The following ZBTB20 variants were observed in gnomAD, a reference collection of about 807,000 sequenced individuals.
The protein encoded by ZBTB20 is zinc finger and BTB domain containing 20.
Under a neutral mutation model 56.9 loss-of-function variants are expected in ZBTB20, and 9 were observed. That is an observed-to-expected ratio of 0.16 (90% CI 0.10 to 0.28). ZBTB20 has a LOEUF of 0.28. Among genes scored for constraint, ZBTB20 ranks in the 10% least tolerant of loss-of-function variants. The pLI is 1.00. For synonymous variants in ZBTB20, 417 were observed against 420.7 expected (o/e 0.99, Z 0.11); for missense variants, 655 against 1,003.0 (o/e 0.65, Z 4.69).
chr3:114,919,525 G>A (rs1012137881), intron 3 of ZBTB20, among the ~76,000 whole-genome samples: 18 of 152,066 alleles, frequency 1.2e-4, no homozygotes, highest in African/African-American at 3.4e-4. Context: ...GGCCAAGTTC[G>A]TGAAACCCCG....
At chr3:115,016,020 C>T (rs187259017) in intron 2 of ZBTB20, among the ~76,000 whole-genome samples, 30 of 151,982 alleles carry the variant, frequency 2.0e-4, no homozygotes, top group Non-Finnish European at 3.7e-4. Context: ...TTCTGACTGG[C>T]ATGAGATGGT....
intron 6 of ZBTB20, among the ~76,000 whole-genome samples, chr3:114,646,487 G>A (rs529749147): frequency 6.6e-6 from 1 of 152,226 alleles, no homozygotes; most frequent in Admixed American, 6.5e-5. Flanking sequence ...TGTTTTGGAG[G>A]TTAAATTTGT....
chr3:114,783,578 G>A (rs926181864), intron 5 of ZBTB20, among the ~76,000 whole-genome samples: 1 of 151,850 alleles, frequency 6.6e-6, no homozygotes, highest in Non-Finnish European at 1.5e-5. Context: ...GGTGGATCAC[G>A]AGGTCACGAG....
chr3:114,723,320 T>A (rs2065043341), intron 5 of ZBTB20, among the ~76,000 whole-genome samples: 1 of 152,220 alleles, frequency 6.6e-6, no homozygotes, highest in Admixed American at 6.5e-5. Context: ...CATGCTCTAA[T>A]GGCTTCTAAT....
chr3:114,607,953 A>C (rs1193582146), intron 6 of ZBTB20, among the ~76,000 whole-genome samples: 1 of 152,210 alleles, frequency 6.6e-6, no homozygotes, highest in Admixed American at 6.5e-5. Flanking sequence ...CAACCTCGTA[A>C]TTCTTTAACA....
intron 6 of ZBTB20, among the ~76,000 whole-genome samples, chr3:114,536,481 A>G (rs909357273): frequency 2.0e-5 from 3 of 152,206 alleles, no homozygotes; most frequent in African/African-American, 4.8e-5. Context: ...GCTCAAGGAA[A>G]TAAGAGAGGA....
At chr3:114,403,809 GA>G (rs1170170569) in intron 7 of ZBTB20, among the ~76,000 whole-genome samples, 1 of 152,080 alleles carries the variant, frequency 6.6e-6, no homozygotes, top group African/African-American at 2.4e-5. Flanking sequence ...TGATTATGGA[GA>G]AACTGAAGAA....
At chr3:114,905,166 C>G (rs2075275348) in intron 3 of ZBTB20, among the ~76,000 whole-genome samples, 1 of 151,832 alleles carries the variant, frequency 6.6e-6, no homozygotes, top group Admixed American at 6.6e-5. Context: ...GTTTTTATGA[C>G]TTAACTTAAA....
At chr3:114,933,430 C>G (rs2076426529) in intron 3 of ZBTB20, among the ~76,000 whole-genome samples, 1 of 152,178 alleles carries the variant, frequency 6.6e-6, no homozygotes, top group Non-Finnish European at 1.5e-5. Flanking sequence ...CACTTGCTAA[C>G]AGTTATTTGC....
At chr3:114,782,060 T>C (rs181175214) in intron 5 of ZBTB20, among the ~76,000 whole-genome samples, 1 of 152,238 alleles carries the variant, frequency 6.6e-6, no homozygotes, top group Admixed American at 6.5e-5. Flanking sequence ...GATGCATACA[T>C]CTTCTGATAT....
At chr3:114,550,395 C>T (rs146096267) in intron 6 of ZBTB20, among the ~76,000 whole-genome samples, 31 of 152,256 alleles carry the variant, frequency 2.0e-4, no homozygotes, top group Non-Finnish European at 4.1e-4. Flanking sequence ...AGTATATGCA[C>T]TAGCCAAACT....
At chr3:114,487,853 C>T (rs1030091153) in intron 7 of ZBTB20, among the ~76,000 whole-genome samples, 5 of 152,124 alleles carry the variant, frequency 3.3e-5, no homozygotes, top group Non-Finnish European at 5.9e-5. Flanking sequence ...AGATGGAGGA[C>T]GTTGATGACA....
In ZBTB20 at chr3:114,834,080, T is replaced by C. The variant is rs529738896; in HGVS notation, c.-416-32906A>G. On this transcript the variant is annotated intron_variant, in intron 4 of 11. Coordinates refer to ENST00000675478, the MANE Select transcript of ZBTB20 (RefSeq NM_001348800.3). ...AAAGAAAACCCATTTTCTGTGTATA[T>C]TGCTATTGCCTTAGAAAATACAAAT... Among the ~76,000 whole-genome samples, 5 of 152,266 alleles carry C rather than the reference T, an allele frequency of 3.3e-5. No individual in the cohort carries two copies. In the South Asian group the frequency reaches 6.2e-4, roughly 19 times the overall value.
intron 6 of ZBTB20, among the ~76,000 whole-genome samples, chr3:114,584,526 TAA>T (rs540747173): frequency 6.3e-5 from 9 of 142,208 alleles, no homozygotes; most frequent in Middle Eastern, 3.6e-3. Flanking sequence ...CTAACTCTGT[TAA>T]AAAAAAAAAA....
chr3:114,404,623 G>T (rs893410105), intron 7 of ZBTB20, among the ~76,000 whole-genome samples: 1 of 152,094 alleles, frequency 6.6e-6, no homozygotes, highest in African/African-American at 2.4e-5. Context: ...CTGGTGTACA[G>T]ACGTGGCTAT....
At chr3:114,455,012 A>G (rs1358483660) in intron 7 of ZBTB20, among the ~76,000 whole-genome samples, 1 of 142,612 alleles carries the variant, frequency 7.0e-6, no homozygotes, top group African/African-American at 2.6e-5. Context: ...AGGGAGGGAG[A>G]GAGAGACTGA....
chr3:114,917,646 C>T (rs1221093453), intron 3 of ZBTB20, among the ~76,000 whole-genome samples: 1 of 152,170 alleles, frequency 6.6e-6, no homozygotes, highest in African/African-American at 2.4e-5. Flanking sequence ...TATTGGTGGT[C>T]TTGTACAAGA....
rs2079031917 is a variant in ZBTB20 at position 114,325,442 on chromosome 3, C to T, written c.*13563G>A. The T allele has an allele frequency of 6.6e-6, 1 of 152,194 alleles. No homozygotes were observed. The highest frequency in any genetic ancestry group is 2.4e-5 in the African/African-American group (1 of 41,444). 9.4% of individuals were successfully genotyped at this position (152,194 alleles called of 1,614,324 possible). On this transcript the variant is annotated 3_prime_UTR_variant, in exon 12 of 12. Transcript: ENST00000675478. Reference sequence around the variant, plus strand: ...TTATTTTCAGTGATCTCTCTGTACACTCCTCTCGGGCCCGGATAGCACATT... The same window carrying T: ...TTATTTTCAGTGATCTCTCTGTACATTCCTCTCGGGCCCGGATAGCACATT...
chr3:114,488,179 C>A (rs1235775761), intron 7 of ZBTB20, among the ~76,000 whole-genome samples: 6 of 152,218 alleles, frequency 3.9e-5, no homozygotes, highest in African/African-American at 1.2e-4. Flanking sequence ...TCCCACAACA[C>A]TCCCCTGAAG....
Sources: gnomAD v4.1 joint callset for allele counts (sites outside exome capture counted in the v4.1 genomes callset) on GRCh38, gnomAD v4.1.1 for gene constraint, MANE v1.5 for transcripts, NCBI Gene and HGNC (gene_info 2026-07-23, HGNC 2026-07-21) for gene names.